The following ANO5 variants were observed in gnomAD, a reference collection of about 807,000 sequenced individuals.
The protein encoded by ANO5 is anoctamin-5.
In ANO5, 109 loss-of-function variants were observed where a neutral mutation model predicts 121.0. The observed-to-expected ratio is 0.90, with a 90% CI of 0.77 to 1.06. ANO5 has a LOEUF of 1.06. Among genes scored for constraint, ANO5 ranks in the 50% least tolerant of loss-of-function variants. The probability of loss-of-function intolerance (pLI) is 0.00; values close to 1 mark genes in which losing one functional copy is unlikely to be tolerated. For synonymous variants in ANO5, 406 were observed against 359.9 expected, an observed-to-expected ratio of 1.13 and a Z score of -1.45; for missense variants, 1,064 against 1,078.5, an observed-to-expected ratio of 0.99 and a Z score of 0.19.
Position 22,279,802 on chromosome 11 carries a change from C to T in ANO5, c.*37C>T, listed in dbSNP as rs778512456. 1 of 1,557,054 alleles carries T rather than the reference C, an allele frequency of 6.4e-7. No individual in the cohort carries two copies. The highest frequency in any genetic ancestry group is 1.1e-5 in the South Asian group (1 of 89,558). On this transcript the variant is annotated 3_prime_UTR_variant, in exon 22 of 22. Coordinates refer to ENST00000324559, the MANE Select transcript of ANO5 (RefSeq NM_213599.3). ...AGGAAGCAGCAGGTGATCTGCCTTA[C>T]TTCACTTTATCCTCTGGTTTTAGGG...
At position 22,251,233 on chromosome 11, in the gene ANO5, C is replaced by A. The variant is rs116027806; in HGVS notation, c.1180+222C>A. ...ATCAGCTCATTTCTCTAAGAGACAA[C>A]ATAATTTTTGAAACATCAAATGTAT... On this transcript the variant is annotated intron_variant, in intron 12 of 21. Transcript: ENST00000324559. 6.3e-3 allele frequency among the ~76,000 whole-genome samples: 960 copies of A among 152,310 alleles called. 14 individuals carry two copies. The highest frequency in any genetic ancestry group is 0.022 in the African/African-American group (919 of 41,558).
intron 14 of ANO5, among the ~76,000 whole-genome samples, chr11:22,258,671 A>C (rs1056043648): frequency 6.6e-6 from 1 of 152,204 alleles, no homozygotes; most frequent in Non-Finnish European, 1.5e-5. Context: ...CAATATTGAC[A>C]TGTATTTTTC....
Position 22,193,394 on chromosome 11 carries a change from A to C in ANO5, c.-99A>C. 6.5e-7 allele frequency: 1 copy of C among 1,545,052 alleles called. No individual in the cohort carries two copies. The highest frequency in any genetic ancestry group is 8.7e-7 in the Non-Finnish European group (1 of 1,146,658). On this transcript the variant is annotated 5_prime_UTR_variant, in exon 1 of 22. Coordinates refer to ENST00000324559, the MANE Select transcript of ANO5 (RefSeq NM_213599.3). The stretch of plus-strand genomic sequence containing the variant: ...CCAGCAGCAGCAACTCCGGCGGCCC[A>C]CAGTCAGATTCAGCACCTGCCTCAG...
rs779821729 is a variant in ANO5 at position 22,193,488 on chromosome 11, C to G, written c.-5C>G. 1 of 1,612,210 alleles carries G rather than the reference C, an allele frequency of 6.2e-7. No individual in the cohort carries two copies. The highest frequency in any genetic ancestry group is 8.5e-7 in the Non-Finnish European group (1 of 1,179,482). On this transcript the variant is annotated 5_prime_UTR_variant, in exon 1 of 22. Coordinates refer to ENST00000324559, the MANE Select transcript of ANO5 (RefSeq NM_213599.3). Reference sequence around the variant, plus strand: ...GGCACCAGTGCCATTAACGAGCTGGCGAAGATGGGCGACCCGGATCTCCTG... The same window carrying G: ...GGCACCAGTGCCATTAACGAGCTGGGGAAGATGGGCGACCCGGATCTCCTG...
chr11:22,226,610 A>G (rs1852841513), intron 6 of ANO5, among the ~76,000 whole-genome samples: 1 of 152,132 alleles, frequency 6.6e-6, no homozygotes, highest in South Asian at 2.1e-4. Flanking sequence ...CCTGTAGTCC[A>G]GCTACCTGAG....
intron 7 of ANO5, among the ~76,000 whole-genome samples, chr11:22,233,764 CA>C (rs1853120864): frequency 1.3e-5 from 2 of 151,916 alleles, no homozygotes. Flanking sequence ...AGTTTTTCTG[CA>C]AAAACTTTGG....
chr11:22,202,426 TTG>T (rs1391470559), intron 1 of ANO5, among the ~76,000 whole-genome samples: 1 of 151,354 alleles, frequency 6.6e-6, no homozygotes, highest in Admixed American at 6.6e-5. Flanking sequence ...CATACTTGGG[TTG>T]TGAAAAAGCT....
rs114322625 is a variant in ANO5 at position 22,259,957 on chromosome 11, A to G, written c.1630+216A>G. 0.021 allele frequency among the ~76,000 whole-genome samples: 3,121 copies of G among 151,832 alleles called. 108 individuals carry two copies. Among genetic ancestry groups the G allele is most frequent in the African/African-American group, 0.071 (2,943 of 41,410 alleles). On this transcript the variant is annotated intron_variant, in intron 15 of 21. Transcript: ENST00000324559. ...AAGAGGCAAAATAACTGAAAAAAAA[A>G]AAAAAGAATTCTGACTCTATATATC...
chr11:22,262,832 C>A, intron 16 of ANO5, 114 bp from the exon 17 acceptor site: 1 of 847,438 alleles, frequency 1.2e-6, no homozygotes, highest in Non-Finnish European at 2.0e-6. Context: ...TATCTTAACC[C>A]TTCCAACCAA....
At chr11:22,266,526 A>G (rs1378505649) in intron 17 of ANO5, among the ~76,000 whole-genome samples, 2 of 152,156 alleles carry the variant, frequency 1.3e-5, no homozygotes, top group Non-Finnish European at 2.9e-5. Context: ...GATTAACAAC[A>G]TGAATAAGTA....
At chr11:22,251,413 G>T (rs930555984) in intron 12 of ANO5, among the ~76,000 whole-genome samples, 3 of 152,124 alleles carry the variant, frequency 2.0e-5, no homozygotes, top group East Asian at 3.8e-4. Flanking sequence ...GAACATTTTT[G>T]AGTATAAATT....
chr11:22,227,402 A>C lies in ANO5; in HGVS notation c.464A>C (p.Glu155Ala). Residue 155 changes from glutamate to alanine, a missense_variant, in exon 7 of 22, where the codon GAG becomes GCG. Transcript: ENST00000324559. ...EVLGIKMPIKESDIPRPKHTP... is the reference protein window; with the variant it reads ...EVLGIKMPIKASDIPRPKHTP... The stretch of plus-strand genomic sequence containing the variant: ...TTGGGAATCAAAATGCCTATTAAGG[A>C]GAGTGATATTCCCCGCCCTAAGCAC... 6.2e-7 allele frequency: 1 copy of C among 1,613,550 alleles called. No individual in the cohort carries two copies. Among genetic ancestry groups the C allele is most frequent in the Non-Finnish European group, 8.5e-7 (1 of 1,179,764 alleles).
intron 12 of ANO5, among the ~76,000 whole-genome samples, chr11:22,252,880 A>G (rs940196476): frequency 1.4e-4 from 21 of 152,260 alleles, no homozygotes; most frequent in Middle Eastern, 3.4e-3. Context: ...ATTCTAGGCA[A>G]TAGGAATTTA....
intron 1 of ANO5, 63 bp downstream of exon 1, chr11:22,193,595 C>A (rs552359424): frequency 1.3e-6 from 2 of 1,572,002 alleles, no homozygotes; most frequent in African/African-American, 1.3e-5. Flanking sequence ...CCTCCACCCG[C>A]GGCGCAGAGG....
intron 9 of ANO5, among the ~76,000 whole-genome samples, chr11:22,245,188 T>TAAGA: frequency 6.6e-6 from 1 of 152,120 alleles, no homozygotes; most frequent in East Asian, 1.9e-4. Context: ...CACTTAGGAG[T>TAAGA]AAGAGCCAGC....
chr11:22,205,333 A>G (rs1003000720), intron 2 of ANO5, among the ~76,000 whole-genome samples: 5 of 152,084 alleles, frequency 3.3e-5, no homozygotes, highest in African/African-American at 1.2e-4. Context: ...CTGCACTTGT[A>G]TCTCTGGACT....
At chr11:22,246,674 C>T (rs7128277) in intron 9 of ANO5, among the ~76,000 whole-genome samples, 22,433 of 151,224 alleles carry the variant, frequency 0.15, 4,826 homozygotes, top group African/African-American at 0.47. Flanking sequence ...CCGTTTCTAC[C>T]TAAAAAATAA....
At position 22,225,967 on chromosome 11, in the gene ANO5, AT is replaced by A. The variant is rs778435515; in HGVS notation, c.295-8del. ...AAAAGCATTCTGCATAATTCTGTTGATTTTTTTTTGTCATAGGAAAGAAGAA... is the reference window on the plus strand; with the variant it reads ...AAAAGCATTCTGCATAATTCTGTTGATTTTTTTTGTCATAGGAAAGAAGAA... On this transcript the variant is annotated splice_polypyrimidine_tract_variant and intron_variant, in intron 5 of 21. Transcript: ENST00000324559. 447 of 1,551,184 alleles carry A rather than the reference AT, an allele frequency of 2.9e-4. No homozygotes were observed. The highest frequency in any genetic ancestry group is 3.4e-4 in the Middle Eastern group (2 of 5,890).
At chr11:22,227,699 A>T (rs147982817) in intron 7 of ANO5, 113 bp downstream of exon 7, 6 of 1,338,776 alleles carry the variant, frequency 4.5e-6, no homozygotes, top group African/African-American at 2.9e-5. Context: ...TCTGTATAGG[A>T]TATAAGCATT....
Sources: allele counts gnomAD v4.1 joint callset (sites outside exome capture counted in the v4.1 genomes callset), GRCh38; gene constraint gnomAD v4.1.1; transcripts MANE v1.5; gene names NCBI Gene and HGNC (gene_info 2026-07-23, HGNC 2026-07-21).